SLC1A1: variants seen among roughly 807,000 people sequenced by gnomAD.
SLC1A1 encodes the protein excitatory amino acid transporter 3.
A neutral mutation model predicts 53.3 loss-of-function variants in SLC1A1; 43 were observed. The observed-to-expected ratio is 0.81, with a 90% CI of 0.63 to 1.04. The LOEUF is 1.04. Among genes scored for constraint, SLC1A1 ranks in the 50% least tolerant of loss-of-function variants. The pLI, the probability that SLC1A1 is intolerant of heterozygous loss-of-function variation, is 0.00. For missense variants in SLC1A1, 748 were observed against 664.9 expected, an observed-to-expected ratio of 1.12 and a Z score of -1.37; for synonymous variants, 307 against 243.2, an observed-to-expected ratio of 1.26 and a Z score of -2.44.
rs1192753946 is a variant in SLC1A1 at position 4,583,935 on chromosome 9, G to A, written c.1328+763G>A. Among the ~76,000 whole-genome samples, 1 of 151,554 alleles carries A rather than the reference G, an allele frequency of 6.6e-6. No individual in the cohort carries two copies. Among genetic ancestry groups the A allele is most frequent in the Non-Finnish European group, 1.5e-5 (1 of 67,942 alleles). On this transcript the variant is annotated intron_variant, in intron 11 of 11. Transcript: ENST00000262352. The surrounding 1 kb of genome is among the most constrained non-coding windows in gnomAD (Gnocchi z 4.6). ...ACATATGGAATACAGCAGAACATCTGGGTGAGAAAGTACCTTCAGTGACCC... is the reference window on the plus strand; with the variant it reads ...ACATATGGAATACAGCAGAACATCTAGGTGAGAAAGTACCTTCAGTGACCC...
Position 4,567,701 on chromosome 9 carries a change from C to T in SLC1A1, c.516C>T (p.Pro172=). The change falls in exon 6 of 12, where the codon CCC becomes CCT. Residue 172 remains proline, a synonymous_variant. Coordinates refer to ENST00000262352, the MANE Select transcript of SLC1A1 (RefSeq NM_004170.6). ...YKTKREEVKP[P]SDPEMNMTEE... ...CTAAGCGTGAAGAAGTGAAGCCTCCCAGCGATCCAGAGATGAACATGACAG... is the reference window on the plus strand; with the variant it reads ...CTAAGCGTGAAGAAGTGAAGCCTCCTAGCGATCCAGAGATGAACATGACAG... 1.2e-6 allele frequency: 2 copies of T among 1,613,264 alleles called. No homozygotes were observed. The highest frequency in any genetic ancestry group is 1.7e-6 in the Non-Finnish European group (2 of 1,179,372).
intron 2 of SLC1A1, chr9:4,553,419 G>A (rs1818108216): frequency 7.0e-6 from 1 of 143,074 alleles, no homozygotes; most frequent in African/African-American, 2.6e-5. Context: ...AGGCTGGAGT[G>A]CAGTGGTGCG....
Position 4,490,584 on chromosome 9 carries a change from C to T in SLC1A1, c.-96C>T, listed in dbSNP as rs1820193566. 5 of 974,344 alleles carry T rather than the reference C, an allele frequency of 5.1e-6. No individual in the cohort carries two copies. Among genetic ancestry groups the T allele is most frequent in the Non-Finnish European group, 8.0e-6 (5 of 626,768 alleles). The allele number at this position is 974,344 out of a possible 1,614,324, so 60.4% of individuals were successfully genotyped here. ...CCGGCTCTCACCTCTCCCCTGTGCA[C>T]CCGCATCTCGCCGCGCCGCCGAGCA... is the stretch of plus-strand genomic sequence containing the variant. On this transcript the variant is annotated 5_prime_UTR_variant, in exon 1 of 12. Coordinates refer to ENST00000262352, the MANE Select transcript of SLC1A1 (RefSeq NM_004170.6).
intron 2 of SLC1A1, 106 bp from the exon 3 acceptor site, chr9:4,561,343 T>C (rs1818918731): frequency 1.3e-6 from 1 of 781,610 alleles, no homozygotes; most frequent in Admixed American, 1.7e-5. Flanking sequence ...TGTCTGTAGA[T>C]GAGAACGCCT....
At chr9:4,531,806 C>A (rs868380344) in intron 1 of SLC1A1, among the ~76,000 whole-genome samples, 8 of 152,302 alleles carry the variant, frequency 5.3e-5, no homozygotes, top group Admixed American at 2.6e-4. Context: ...AGGCACCCCC[C>A]AGTAGGGGCA....
rs139266142 is a variant in SLC1A1, at chr9:4,550,459, T to C, written c.232+5752T>C. Among the ~76,000 whole-genome samples the C allele has an allele frequency of 9.1e-4, 139 of 152,304 alleles. No individual in the cohort carries two copies. In the Middle Eastern group the frequency reaches 0.01, roughly 11 times the overall value. On this transcript the variant is annotated intron_variant, in intron 2 of 11. Coordinates refer to ENST00000262352, the MANE Select transcript of SLC1A1 (RefSeq NM_004170.6). Reference sequence around the variant, plus strand: ...AAGCTGGAATGCAGTGGTACCAGTATAGCTCACTGTAGTCTTGAACTCCTG... The same window carrying C: ...AAGCTGGAATGCAGTGGTACCAGTACAGCTCACTGTAGTCTTGAACTCCTG...
chr9:4,541,788 ACCAGGTGGG>A (rs1485396879), intron 1 of SLC1A1, among the ~76,000 whole-genome samples: 1 of 152,202 alleles, frequency 6.6e-6, no homozygotes, highest in Non-Finnish European at 1.5e-5. Flanking sequence ...GAGTGGCCTT[ACCAGGTGGG>A]CCTGGCCTGC....
chr9:4,563,779 C>A (rs188512215), intron 3 of SLC1A1, among the ~76,000 whole-genome samples: 111 of 152,236 alleles, frequency 7.3e-4, no homozygotes, highest in Non-Finnish European at 1.2e-3. Context: ...ACCTTCTCTC[C>A]CTATAAATCC....
intron 1 of SLC1A1, among the ~76,000 whole-genome samples, chr9:4,497,089 C>G (rs2130793305): frequency 6.6e-6 from 1 of 152,196 alleles, no homozygotes; most frequent in Non-Finnish European, 1.5e-5. Context: ...TTTCCTGTGG[C>G]TGCCCTAACA....
rs143843811 is a variant in SLC1A1 at position 4,541,935 on chromosome 9, C to T, written c.92-2632C>T. Among the ~76,000 whole-genome samples the T allele has an allele frequency of 6.3e-3, 953 of 152,246 alleles. 6 individuals are homozygous for T. The highest frequency in any genetic ancestry group is 9.1e-3 in the Non-Finnish European group (616 of 68,016). On this transcript the variant is annotated intron_variant, in intron 1 of 11. Coordinates refer to ENST00000262352, the MANE Select transcript of SLC1A1 (RefSeq NM_004170.6). ...AAGGTTATGCCCTATGAGACTCTGA[C>T]CTCTTCTTGGGACCTGGAAAATCTT...
chr9:4,577,544 C>G (rs193282323), intron 10 of SLC1A1, among the ~76,000 whole-genome samples: 1 of 152,138 alleles, frequency 6.6e-6, no homozygotes, highest in African/African-American at 2.4e-5. Context: ...GGCACAATCT[C>G]GGCTCACCAC....
chr9:4,539,373 T>C (rs1472620748), intron 1 of SLC1A1, among the ~76,000 whole-genome samples: 1 of 152,154 alleles, frequency 6.6e-6, no homozygotes, highest in Non-Finnish European at 1.5e-5. Flanking sequence ...TTTTATAAAC[T>C]TAGCAACAAA....
intron 8 of SLC1A1, among the ~76,000 whole-genome samples, chr9:4,575,123 ACT>A (rs1161446530): frequency 6.6e-6 from 1 of 152,188 alleles, no homozygotes; most frequent in Non-Finnish European, 1.5e-5. Flanking sequence ...CTAACAGGAA[ACT>A]AAAAGTCAGT....
chr9:4,569,887 A>C (rs1819862053), intron 6 of SLC1A1, among the ~76,000 whole-genome samples: 1 of 152,226 alleles, frequency 6.6e-6, no homozygotes, highest in Admixed American at 6.5e-5. Flanking sequence ...TATAATGGTG[A>C]AAAGACAGAT....
At chr9:4,576,821 A>T in intron 10 of SLC1A1, 58 bp downstream of exon 10, 1 of 1,507,998 alleles carries the variant, frequency 6.6e-7, no homozygotes, top group Non-Finnish European at 9.2e-7. Flanking sequence ...CGCCAGTAAA[A>T]ATTGTCCATG....
chr9:4,580,606 T>TGC (rs1820984749), intron 10 of SLC1A1, among the ~76,000 whole-genome samples: 1 of 83,322 alleles, frequency 1.2e-5, no homozygotes, highest in Non-Finnish European at 2.5e-5. Context: ...TATATATGTG[T>TGC]GTGTGTGTGT....
chr9:4,576,899 A>T, intron 10 of SLC1A1, 136 bp downstream of exon 10: 1 of 833,640 alleles, frequency 1.2e-6, no homozygotes, highest in South Asian at 1.5e-5. Flanking sequence ...TCCCAAGATT[A>T]AATACGACTA....
chr9:4,548,876 A>C (rs1051323629), intron 2 of SLC1A1, among the ~76,000 whole-genome samples: 2 of 152,222 alleles, frequency 1.3e-5, no homozygotes, highest in African/African-American at 4.8e-5. Flanking sequence ...CTACCGATAA[A>C]TTACATTGTG....
chr9:4,509,651 A>G (rs1820929670), intron 1 of SLC1A1, among the ~76,000 whole-genome samples: 1 of 152,170 alleles, frequency 6.6e-6, no homozygotes, highest in Non-Finnish European at 1.5e-5. Flanking sequence ...AACCAGAGGC[A>G]AGGAACCCTG....
Sources: gnomAD v4.1 joint callset for allele counts (sites outside exome capture counted in the v4.1 genomes callset) on GRCh38, gnomAD v4.1.1 for gene constraint, Gnocchi (gnomAD v3.1) non-coding constraint, MANE v1.5 for transcripts, NCBI Gene and HGNC (gene_info 2026-07-23, HGNC 2026-07-21) for gene names.